CTDSPL2: variants seen among roughly 807,000 people sequenced by gnomAD.
CTDSPL2 encodes CTD small phosphatase-like protein 2.
A neutral mutation model predicts 60.0 loss-of-function variants in CTDSPL2; 5 were observed. The ratio of observed to expected loss-of-function variants is 0.08; its 90% CI spans 0.04 to 0.18. CTDSPL2 has a LOEUF of 0.18. CTDSPL2 is among the 10% of genes least tolerant of loss of function. CTDSPL2 has a pLI of 1.00. For missense variants in CTDSPL2, 370 were observed against 548.8 expected (o/e 0.67, Z 3.26); for synonymous variants, 186 against 189.3 (o/e 0.98, Z 0.14).
chr15:44,491,479 A>G (rs899945305), intron 5 of CTDSPL2, among the ~76,000 whole-genome samples: 4 of 152,174 alleles, frequency 2.6e-5, no homozygotes, highest in African/African-American at 9.6e-5. Context: ...AAGGCCAAAC[A>G]TAATTATTGG....
chr15:44,478,345 G>T (rs377381660), intron 2 of CTDSPL2, among the ~76,000 whole-genome samples: 4 of 150,366 alleles, frequency 2.7e-5, no homozygotes, highest in African/African-American at 9.8e-5. Flanking sequence ...CCAGCTTCTC[G>T]GGAGGCTGAG....
At chr15:44,464,141 C>CA (rs1307549538) in intron 2 of CTDSPL2, among the ~76,000 whole-genome samples, 1 of 152,142 alleles carries the variant, frequency 6.6e-6, no homozygotes, top group Non-Finnish European at 1.5e-5. Context: ...TCCCGAGTAG[C>CA]TGGGACTACA....
chr15:44,514,430 C>T (rs1460533647), intron 8 of CTDSPL2, among the ~76,000 whole-genome samples, 168 bp from the exon 9 acceptor site: 1 of 152,146 alleles, frequency 6.6e-6, no homozygotes, highest in Admixed American at 6.5e-5. Context: ...TTTAAGTGAT[C>T]GCTTGTATGT....
chr15:44,485,412 T>C (rs1310338352), intron 3 of CTDSPL2, among the ~76,000 whole-genome samples: 1 of 152,224 alleles, frequency 6.6e-6, no homozygotes, highest in Admixed American at 6.5e-5. Context: ...AGACAGTTTT[T>C]CCACTGACAG....
chr15:44,499,089 T>C (rs1286653870), intron 7 of CTDSPL2, among the ~76,000 whole-genome samples: 1 of 152,006 alleles, frequency 6.6e-6, no homozygotes, highest in Non-Finnish European at 1.5e-5. Context: ...AACTTGAGCA[T>C]GTGTCAGAAT....
Position 44,521,303 on chromosome 15 carries a change from T to C in CTDSPL2, c.1240-8T>C, listed in dbSNP as rs755816964. 6.9e-6 allele frequency: 9 copies of C among 1,305,536 alleles called. No individual in the cohort carries two copies. The highest frequency in any genetic ancestry group is 9.7e-6 in the Non-Finnish European group (9 of 924,216). 80.9% of individuals were successfully genotyped at this position (1,305,536 alleles called of 1,614,324 possible). ...AAAGAGGATTTAATTACTTATTTATTGTTTTAGCTTTCTAATGGAATCCCT... is the reference window on the plus strand; with the variant it reads ...AAAGAGGATTTAATTACTTATTTATCGTTTTAGCTTTCTAATGGAATCCCT... On this transcript the variant is annotated splice_polypyrimidine_tract_variant and splice_region_variant and intron_variant, in intron 11 of 12. Transcript: ENST00000260327.
intron 1 of CTDSPL2, among the ~76,000 whole-genome samples, chr15:44,451,850 G>C (rs2080340668): frequency 6.6e-6 from 1 of 151,956 alleles, no homozygotes; most frequent in South Asian, 2.1e-4. Context: ...TTACTTTTAA[G>C]CTTGGCTTAC....
chr15:44,464,000 TAC>T (rs1266524373), intron 2 of CTDSPL2, among the ~76,000 whole-genome samples: 1 of 152,134 alleles, frequency 6.6e-6, no homozygotes, highest in Non-Finnish European at 1.5e-5. Context: ...TGAAGACCAA[TAC>T]GACAGCTTTT....
At chr15:44,490,671 G>T (rs1031076560) in intron 4 of CTDSPL2, 113 bp from the exon 5 acceptor site, 1 of 764,418 alleles carries the variant, frequency 1.3e-6, no homozygotes, top group Non-Finnish European at 2.2e-6. Flanking sequence ...ACTCAGCTTT[G>T]TTCCTGCAGG....
At chr15:44,508,763 A>G (rs2081516185) in intron 8 of CTDSPL2, among the ~76,000 whole-genome samples, 1 of 152,142 alleles carries the variant, frequency 6.6e-6, no homozygotes, top group African/African-American at 2.4e-5. Flanking sequence ...TCTACTAAAA[A>G]TACAAAAAAC....
rs1026987728 is a variant in CTDSPL2 at position 44,519,398 on chromosome 15, G to T, written c.1239+103G>T. On this transcript the variant is annotated intron_variant, in intron 11 of 12. Coordinates refer to ENST00000260327, the MANE Select transcript of CTDSPL2 (RefSeq NM_016396.3). The stretch of plus-strand genomic sequence containing the variant: ...GGAGAAGAAGAAGAGAATTTTCACT[G>T]GTGGAATTTCCCTTTAATGTGTCAT... 52 of 1,012,924 alleles carry T rather than the reference G, an allele frequency of 5.1e-5. No homozygotes were observed. In the African/African-American group the frequency reaches 8.5e-4, roughly 17 times the overall value. The allele number at this position is 1,012,924 out of a possible 1,614,324, so 62.7% of individuals were successfully genotyped here.
chr15:44,493,583 T>G (rs2081251080), intron 5 of CTDSPL2, among the ~76,000 whole-genome samples: 1 of 152,096 alleles, frequency 6.6e-6, no homozygotes, highest in Admixed American at 6.6e-5. Flanking sequence ...CACTTGAGCT[T>G]AGGAGTTTGA....
At chr15:44,495,331 C>G (rs2081280580) in intron 5 of CTDSPL2, among the ~76,000 whole-genome samples, 1 of 151,710 alleles carries the variant, frequency 6.6e-6, no homozygotes, top group Non-Finnish European at 1.5e-5. Flanking sequence ...GCCTGGAATT[C>G]TAGCACTTTG....
At chr15:44,471,240 TTTAAG>T (rs1378845079) in intron 2 of CTDSPL2, among the ~76,000 whole-genome samples, 1 of 152,206 alleles carries the variant, frequency 6.6e-6, no homozygotes, top group Non-Finnish European at 1.5e-5. Context: ...AATTTGTCTA[TTTAAG>T]TTGTTTCTGT....
chr15:44,511,932 A>G (rs901197709), intron 8 of CTDSPL2, among the ~76,000 whole-genome samples: 9 of 150,886 alleles, frequency 6.0e-5, no homozygotes, highest in Non-Finnish European at 1.2e-4. Flanking sequence ...GGTCATGCCT[A>G]TAATCCCAGC....
At chr15:44,486,225 G>A (rs1394602728) in intron 3 of CTDSPL2, among the ~76,000 whole-genome samples, 2 of 152,140 alleles carry the variant, frequency 1.3e-5, no homozygotes, top group Non-Finnish European at 2.9e-5. Flanking sequence ...TAGTTGGTGG[G>A]AACTAGTTTG....
chr15:44,525,615 CTGA>C lies in CTDSPL2; in HGVS notation c.*1443_*1445del. On this transcript the variant is annotated 3_prime_UTR_variant, in exon 13 of 13. Coordinates refer to ENST00000260327, the MANE Select transcript of CTDSPL2 (RefSeq NM_016396.3). ...AGTATTGGAAATTAAAGGTGGACAA[CTGA>C]TAATTGAGGAGTATGTCAATTAATT... is the stretch of plus-strand genomic sequence containing the variant. 1 of 397,202 alleles carries C rather than the reference CTGA, an allele frequency of 2.5e-6. No homozygotes were observed. The allele number at this position is 397,202 out of a possible 1,614,324, so 24.6% of individuals were successfully genotyped here.
intron 1 of CTDSPL2, among the ~76,000 whole-genome samples, chr15:44,446,567 T>C (rs1282806951): frequency 2.0e-5 from 3 of 150,900 alleles, no homozygotes; most frequent in Non-Finnish European, 4.4e-5. Flanking sequence ...GAGGTAGAGG[T>C]TGCAGTGAGC....
At chr15:44,499,615 A>ATTAT (rs2081355972) in intron 7 of CTDSPL2, 112 bp from the exon 8 acceptor site, 1 of 620,486 alleles carries the variant, frequency 1.6e-6, no homozygotes, top group African/African-American at 1.9e-5. Flanking sequence ...TTATAAATGT[A>ATTAT]AAATTCAACA....
Sources: allele counts gnomAD v4.1 joint callset (sites outside exome capture counted in the v4.1 genomes callset), GRCh38; gene constraint gnomAD v4.1.1; transcripts MANE v1.5; gene names NCBI Gene and HGNC (gene_info 2026-07-23, HGNC 2026-07-21).